TMEM132D: variants seen among roughly 807,000 people sequenced by gnomAD.
TMEM132D encodes mature OL transmembrane protein.
TMEM132D carries 21 observed loss-of-function variants against 62.3 expected under a neutral mutation model. That is an observed-to-expected ratio of 0.34 (90% confidence interval 0.24 to 0.49). The LOEUF is 0.49. Ranked by LOEUF, TMEM132D falls within the 20% of genes least tolerant of loss-of-function variation. TMEM132D has a pLI of 0.99. For missense variants in TMEM132D, 1,346 were observed against 1,402.8 expected, an observed-to-expected ratio of 0.96 and a Z score of 0.65; for synonymous variants, 621 against 575.6, an observed-to-expected ratio of 1.08 and a Z score of -1.13.
chr12:129,792,949 A>C (rs1490131547), intron 1 of TMEM132D, among the ~76,000 whole-genome samples: 1 of 152,144 alleles, frequency 6.6e-6, no homozygotes, highest in Non-Finnish European at 1.5e-5. Flanking sequence ...TGTTCATTCT[A>C]CCCAATATTT....
At chr12:129,110,113 A>G (rs1246532978) in intron 5 of TMEM132D, 1 of 152,096 alleles carries the variant, frequency 6.6e-6, no homozygotes, top group African/African-American at 2.4e-5. Flanking sequence ...CCTCCTTCCC[A>G]TCCTCCTTTC....
intron 5 of TMEM132D, among the ~76,000 whole-genome samples, chr12:129,139,121 A>G (rs1023604344): frequency 6.6e-6 from 1 of 152,214 alleles, no homozygotes; most frequent in Non-Finnish European, 1.5e-5. Flanking sequence ...TACAGATAGG[A>G]AAACAGAGAG....
At chr12:129,701,435 C>T (rs551481276) in intron 1 of TMEM132D, among the ~76,000 whole-genome samples, 85 of 152,240 alleles carry the variant, frequency 5.6e-4, no homozygotes, top group Middle Eastern at 3.4e-3. Context: ...CAGGGCCGGG[C>T]GTACAAAGCA....
rs373767848 is a variant in TMEM132D, at chr12:129,220,348, G to A, written c.1300-10685C>T. Among the ~76,000 whole-genome samples, 26 of 152,232 alleles carry A rather than the reference G, an allele frequency of 1.7e-4. No homozygotes were observed. In the South Asian group the frequency reaches 4.4e-3, roughly 26 times the overall value. On this transcript the variant is annotated intron_variant, in intron 4 of 8. Coordinates refer to ENST00000422113, the MANE Select transcript of TMEM132D (RefSeq NM_133448.3). ...TGCCCACACACTTCCTTTTCCCCAC[G>A]TTGGAAACGAAATCTCACACAGGTG...
At chr12:129,402,661 T>C (rs992882054) in intron 3 of TMEM132D, among the ~76,000 whole-genome samples, 1 of 152,088 alleles carries the variant, frequency 6.6e-6, no homozygotes, top group Non-Finnish European at 1.5e-5. Flanking sequence ...GCCTCAACCC[T>C]CTGGACTCAA....
In TMEM132D at chr12:129,700,048, C is replaced by A. The variant is rs138850997; in HGVS notation, c.730G>T (p.Ala244Ser). 1 of 1,613,848 alleles carries A rather than the reference C, an allele frequency of 6.2e-7. No individual in the cohort carries two copies. Residue 244 changes from alanine (A) to serine (S), a missense_variant, in exon 2 of 9, where the codon GCG becomes TCG. Ala to Ser is a moderately conservative substitution (Grantham distance 99). Coordinates refer to ENST00000422113, the MANE Select transcript of TMEM132D (RefSeq NM_133448.3). ...GTCCGGATCCCATTGCTTCTCCTCG[C>A]GTCTTCCCTGACGCAGTCCCCTCTC... ...GERGDCVREDARRSNGIRTGH... is the reference protein window; with the variant it reads ...GERGDCVREDSRRSNGIRTGH...
At chr12:129,119,398 A>G (rs2135652997) in intron 5 of TMEM132D, among the ~76,000 whole-genome samples, 1 of 152,328 alleles carries the variant, frequency 6.6e-6, no homozygotes, top group East Asian at 1.9e-4. Flanking sequence ...GAATAACGGG[A>G]TTAGAAATCT....
intron 5 of TMEM132D, among the ~76,000 whole-genome samples, chr12:129,087,225 T>A (rs1331803066): frequency 1.3e-5 from 2 of 152,156 alleles, no homozygotes; most frequent in Admixed American, 6.5e-5. Context: ...TCATGTAGGA[T>A]CTGCCGTTTC....
At chr12:129,887,002 T>C (rs1324373039) in intron 1 of TMEM132D, among the ~76,000 whole-genome samples, 4 of 152,224 alleles carry the variant, frequency 2.6e-5, no homozygotes, top group African/African-American at 9.6e-5. Context: ...CAATTAAACC[T>C]CTTTCCTTTA....
chr12:129,538,223 C>T (rs915149268), intron 2 of TMEM132D, among the ~76,000 whole-genome samples: 3 of 152,182 alleles, frequency 2.0e-5, no homozygotes, highest in Non-Finnish European at 4.4e-5. Context: ...AAAAAACTCC[C>T]GAACTTCCAT....
chr12:129,794,085 T>C (rs983485008), intron 1 of TMEM132D, among the ~76,000 whole-genome samples: 2 of 151,458 alleles, frequency 1.3e-5, no homozygotes, highest in Non-Finnish European at 2.9e-5. Context: ...GGTTTTTTTT[T>C]TTCTTTTTTT....
intron 2 of TMEM132D, among the ~76,000 whole-genome samples, chr12:129,584,533 T>C (rs537680935): frequency 6.2e-4 from 94 of 152,360 alleles, no homozygotes; most frequent in Non-Finnish European, 1.1e-3. Flanking sequence ...CTTTGGCCTC[T>C]GGTTCGTGGC....
chr12:129,596,581 C>T lies in TMEM132D; in HGVS notation c.969-65376G>A, dbSNP rs191536756. ...GGTCATATTGCATATAATGGCACAC[C>T]CTTCTGTATACTTTAAATCATGTCT... On this transcript the variant is annotated intron_variant, in intron 2 of 8. Transcript: ENST00000422113. Among the ~76,000 whole-genome samples the T allele has an allele frequency of 1.3e-3, 194 of 151,650 alleles. 3 individuals carry two copies. Among genetic ancestry groups the T allele is most frequent in the Admixed American group, 8.1e-3 (124 of 15,234 alleles).
intron 3 of TMEM132D, among the ~76,000 whole-genome samples, chr12:129,514,251 A>G (rs905837750): frequency 1.4e-4 from 21 of 152,094 alleles, no homozygotes; most frequent in African/African-American, 4.8e-4. Flanking sequence ...TATCGCTGCC[A>G]CCACCACCAC....
intron 4 of TMEM132D, among the ~76,000 whole-genome samples, chr12:129,249,021 T>A (rs973611398): frequency 2.6e-5 from 4 of 152,128 alleles, no homozygotes; most frequent in Admixed American, 6.5e-5. Context: ...CAAGTGCCCA[T>A]CAGTGATAGA....
intron 1 of TMEM132D, among the ~76,000 whole-genome samples, chr12:129,808,099 G>A (rs1412015438): frequency 6.6e-6 from 1 of 152,188 alleles, no homozygotes; most frequent in African/African-American, 2.4e-5. Flanking sequence ...TAGATTCTAA[G>A]CTGAAAGGAG....
chr12:129,711,080 G>A lies in TMEM132D; in HGVS notation c.80-10382C>T, dbSNP rs1881630771. 2.6e-5 allele frequency among the ~76,000 whole-genome samples: 4 copies of A among 152,148 alleles called. No individual in the cohort carries two copies. The South Asian group carries it at 8.3e-4, about 32-fold the overall frequency. ...CTCAACCTCCACTAAAAAATCCCTCGTCCTTCTCAGCACCTTCCCTCAGAG... is the reference window on the plus strand; with the variant it reads ...CTCAACCTCCACTAAAAAATCCCTCATCCTTCTCAGCACCTTCCCTCAGAG... On this transcript the variant is annotated intron_variant, in intron 1 of 8. Transcript: ENST00000422113.
chr12:129,452,725 A>C (rs1024396757), intron 3 of TMEM132D, among the ~76,000 whole-genome samples: 2 of 151,926 alleles, frequency 1.3e-5, no homozygotes, highest in African/African-American at 4.8e-5. Flanking sequence ...AGGAGGGGAG[A>C]GAGAGAGACA....
intron 1 of TMEM132D, among the ~76,000 whole-genome samples, chr12:129,825,788 G>A (rs564068424): frequency 2.4e-4 from 37 of 152,310 alleles, no homozygotes; most frequent in Middle Eastern, 3.4e-3. Context: ...GTATAACCAG[G>A]TGCAGTGGCT....
Sources: gnomAD v4.1 joint callset for allele counts (sites outside exome capture counted in the v4.1 genomes callset) on GRCh38, gnomAD v4.1.1 for gene constraint, MANE v1.5 for transcripts, NCBI Gene and HGNC (gene_info 2026-07-23, HGNC 2026-07-21) for gene names.